Variants in RXRA observed in about 807,000 individuals in gnomAD.
RXRA encodes the protein retinoid X receptor alpha, also known as retinoic acid receptor RXR-alpha.
Under a neutral mutation model 44.5 loss-of-function variants are expected in RXRA, and 5 were observed. The observed-to-expected ratio is 0.11, with a 90% CI of 0.06 to 0.24. The LOEUF (loss-of-function observed/expected upper bound fraction) is 0.24. Ranked by LOEUF, RXRA falls within the 10% of genes least tolerant of loss-of-function variation. The pLI is 1.00. For missense variants in RXRA, 412 were observed against 646.5 expected, an observed-to-expected ratio of 0.64 and a Z score of 3.93; for synonymous variants, 291 against 271.4, an observed-to-expected ratio of 1.07 and a Z score of -0.71.
Position 134,408,199 on chromosome 9 carries a change from C to G in RXRA, c.330C>G (p.Pro110=), listed in dbSNP as rs201544640. 8.3e-5 allele frequency: 133 copies of G among 1,607,648 alleles called. 2 individuals are homozygous for G. In the Middle Eastern group the frequency reaches 9.9e-4, roughly 12 times the overall value. Residue 110 remains proline (P), a synonymous_variant, in exon 3 of 10, where the codon CCC becomes CCG. Coordinates refer to ENST00000481739, the MANE Select transcript of RXRA (RefSeq NM_002957.6). ...GCAGCAGCGAGGACATCAAGCCCCC[C>G]CTGGGCCTCAATGGCGTCCTCAAGG... ...PVSSSEDIKP[P]LGLNGVLKVP... is the part of the protein sequence containing the mutation.
At position 134,426,235 on chromosome 9, in the gene RXRA, C is replaced by T. The variant is rs1239411720; in HGVS notation, c.911-2873C>T. 23 of 985,322 alleles carry T rather than the reference C, an allele frequency of 2.3e-5. No individual in the cohort carries two copies. The highest frequency in any genetic ancestry group is 2.8e-5 in the Non-Finnish European group (23 of 829,942). 61.0% of individuals were successfully genotyped at this position (985,322 alleles called of 1,614,324 possible). On this transcript the variant is annotated intron_variant, in intron 6 of 9. Transcript: ENST00000481739. The surrounding 1 kb of genome is among the most constrained non-coding windows in gnomAD (Gnocchi z 4.6). ...GTCCTCCTTCTGAAAGGCCAGCGCA[C>T]CCTGAGCCGTTTAAAGCTGTGTCCG...
At chr9:134,429,648 C>T (rs574413454) in intron 7 of RXRA, among the ~76,000 whole-genome samples, 9 of 152,208 alleles carry the variant, frequency 5.9e-5, no homozygotes, top group Non-Finnish European at 1.2e-4. Flanking sequence ...TGCGGCCTAA[C>T]GCCTGTCCCC....
chr9:134,378,434 C>T (rs1420277766), intron 1 of RXRA, among the ~76,000 whole-genome samples: 3 of 152,334 alleles, frequency 2.0e-5, no homozygotes, highest in African/African-American at 2.4e-5. Context: ...GCCTCCAGAA[C>T]GCAGCTGGTG....
Position 134,409,129 on chromosome 9 carries a change from G to C in RXRA, c.610+10G>C, listed in dbSNP as rs776620310. The C allele has an allele frequency of 6.5e-7, 1 of 1,543,310 alleles. No homozygotes were observed. The highest frequency in any genetic ancestry group is 1.4e-5 in the African/African-American group (1 of 72,036). On this transcript the variant is annotated intron_variant, in intron 4 of 9. Transcript: ENST00000481739. ...GGCATGAAGCGGGAAGGTAGGCCAC[G>C]GCGTCGGGTGGGGGCGCGGGCAGGT...
At chr9:134,340,994 G>A (rs1488095818) in intron 1 of RXRA, among the ~76,000 whole-genome samples, 2 of 152,216 alleles carry the variant, frequency 1.3e-5, no homozygotes, top group East Asian at 3.9e-4. Flanking sequence ...GCTGGCAAGC[G>A]GGGCGAGCTG....
At chr9:134,392,646 C>G (rs1349748252) in intron 1 of RXRA, among the ~76,000 whole-genome samples, 2 of 152,178 alleles carry the variant, frequency 1.3e-5, no homozygotes, top group African/African-American at 4.8e-5. Flanking sequence ...ATGAGGCTAC[C>G]TGAATTCTCG....
At chr9:134,396,212 C>T (rs934357438) in intron 1 of RXRA, among the ~76,000 whole-genome samples, 2 of 152,166 alleles carry the variant, frequency 1.3e-5, no homozygotes, top group African/African-American at 2.4e-5. Flanking sequence ...TCACCATGGC[C>T]GGCATCTCCT....
intron 1 of RXRA, among the ~76,000 whole-genome samples, chr9:134,360,084 C>T (rs1830330610): frequency 6.6e-6 from 1 of 152,190 alleles, no homozygotes; most frequent in Non-Finnish European, 1.5e-5. Flanking sequence ...GCACAGATGC[C>T]ACCATGCTTT....
chr9:134,405,779 G>A lies in RXRA; in HGVS notation c.280-2370G>A, dbSNP rs530475862. On this transcript the variant is annotated intron_variant, in intron 2 of 9. Coordinates refer to ENST00000481739, the MANE Select transcript of RXRA (RefSeq NM_002957.6). ...GCTCACACGCCTCGGTGCCTCCCCA[G>A]TGCTAGGGCACAAAGCGAGGGTGCC... 211 of 152,868 alleles carry A rather than the reference G, an allele frequency of 1.4e-3. 1 individual carries two copies. Among genetic ancestry groups the A allele is most frequent in the Non-Finnish European group, 2.3e-3 (159 of 68,362 alleles). 9.5% of individuals were successfully genotyped at this position (152,868 alleles called of 1,614,324 possible). A position where few individuals can be genotyped will look rare whatever the true frequency, so the allele number is the denominator to read the frequency against.
chr9:134,364,959 C>T (rs545179293), intron 1 of RXRA, among the ~76,000 whole-genome samples: 1 of 152,232 alleles, frequency 6.6e-6, no homozygotes, highest in East Asian at 1.9e-4. Context: ...GGGTCCCTCC[C>T]CTTCTGCTTA....
intron 1 of RXRA, among the ~76,000 whole-genome samples, chr9:134,375,508 A>G (rs757998761): frequency 1.5e-4 from 23 of 152,142 alleles, no homozygotes; most frequent in Non-Finnish European, 7.4e-5. Context: ...CCTGGCCCGG[A>G]ATAAACCCTG....
chr9:134,363,015 C>T (rs1432016470), intron 1 of RXRA, among the ~76,000 whole-genome samples: 3 of 152,198 alleles, frequency 2.0e-5, no homozygotes, highest in African/African-American at 7.2e-5. Flanking sequence ...AGAGTGTGGA[C>T]GGTTGCAAAA....
intron 6 of RXRA, chr9:134,423,324 G>A (rs970212172): frequency 4.1e-6 from 4 of 985,338 alleles, no homozygotes; most frequent in Non-Finnish European, 3.6e-6. Flanking sequence ...AGGGCCGGGT[G>A]TCCCAGCTGC....
intron 1 of RXRA, among the ~76,000 whole-genome samples, chr9:134,337,603 G>A (rs782171745): frequency 2.0e-5 from 3 of 152,232 alleles, no homozygotes. Context: ...AAGGGACACG[G>A]AGGAGGCATT....
chr9:134,371,791 A>G (rs1830494033), intron 1 of RXRA, among the ~76,000 whole-genome samples: 1 of 152,148 alleles, frequency 6.6e-6, no homozygotes, highest in African/African-American at 2.4e-5. Flanking sequence ...CAGGGCAGCC[A>G]TGGGTGCGCG....
At chr9:134,380,363 AG>A (rs1830624998) in intron 1 of RXRA, among the ~76,000 whole-genome samples, 2 of 152,022 alleles carry the variant, frequency 1.3e-5, no homozygotes, top group South Asian at 4.2e-4. Flanking sequence ...AACCTGGGTC[AG>A]GAGCCAGGGG....
intron 9 of RXRA, among the ~76,000 whole-genome samples, chr9:134,435,395 GC>G (rs1003957948): frequency 6.1e-4 from 45 of 73,270 alleles, no homozygotes; most frequent in Middle Eastern, 6.8e-3. Flanking sequence ...CCTCCCTCCC[GC>G]CCCCCCACTG....
At chr9:134,434,609 C>G (rs1267737646) in intron 9 of RXRA, among the ~76,000 whole-genome samples, 2 of 152,246 alleles carry the variant, frequency 1.3e-5, no homozygotes, top group Non-Finnish European at 2.9e-5. Context: ...ATACTAAACA[C>G]TCTCTACAAG....
intron 4 of RXRA, among the ~76,000 whole-genome samples, chr9:134,410,026 G>C (rs1831122649): frequency 6.6e-6 from 1 of 152,228 alleles, no homozygotes. Flanking sequence ...CCACACCACT[G>C]TCTCACCGTC....
Sources: gnomAD v4.1 joint callset for allele counts (sites outside exome capture counted in the v4.1 genomes callset) on GRCh38, gnomAD v4.1.1 for gene constraint, Gnocchi (gnomAD v3.1) non-coding constraint, MANE v1.5 for transcripts, NCBI Gene and HGNC (gene_info 2026-07-23, HGNC 2026-07-21) for gene names.